Variants in GOLGA8A observed in about 807,000 individuals in gnomAD.
GOLGA8A encodes the protein golgin A8 family member A.
Under a neutral mutation model 22.1 loss-of-function variants are expected in GOLGA8A, and 3 were observed. That is an observed-to-expected ratio of 0.14 (90% CI 0.06 to 0.35). GOLGA8A has a LOEUF of 0.35. GOLGA8A is among the 10% of genes least tolerant of loss of function. The pLI is 1.00. For missense variants in GOLGA8A, 16 were observed against 233.2 expected (o/e 0.07, Z 6.07); for synonymous variants, 7 against 91.7 (o/e 0.08, Z 5.28).
intron 12 of GOLGA8A, among the ~76,000 whole-genome samples, chr15:34,386,085 T>TTA (rs1392343683): frequency 1.2e-4 from 18 of 147,088 alleles, no homozygotes; most frequent in Admixed American, 9.9e-4. Flanking sequence ...AGTGTGTTCA[T>TTA]TCAATAGACA....
At chr15:34,410,126 CT>C in intron 2 of GOLGA8A, 1 of 243,114 alleles carries the variant, frequency 4.1e-6, no homozygotes, top group East Asian at 8.1e-5. Context: ...CAGGACTACC[CT>C]GATGGCCAAC....
chr15:34,435,937 C>T (rs1399137638), intron 1 of GOLGA8A, among the ~76,000 whole-genome samples: 1 of 149,174 alleles, frequency 6.7e-6, no homozygotes, highest in Non-Finnish European at 1.5e-5. Flanking sequence ...GTCCTTGTCA[C>T]CCCAGCCCTC....
chr15:34,380,479 G>A lies in GOLGA8A; in HGVS notation c.*932C>T, dbSNP rs904902547. On this transcript the variant is annotated 3_prime_UTR_variant, in exon 25 of 25. Transcript: ENST00000359187. Reference sequence around the variant, plus strand: ...GACAGGTAGTCATGTGATTAAAACAGGGAACACGAACTCTGACTTTAAAAT... The same window carrying A: ...GACAGGTAGTCATGTGATTAAAACAAGGAACACGAACTCTGACTTTAAAAT... 1 of 152,224 alleles carries A rather than the reference G, an allele frequency of 6.6e-6. No individual in the cohort carries two copies. Among genetic ancestry groups the A allele is most frequent in the Non-Finnish European group, 1.5e-5 (1 of 68,046 alleles). The allele number at this position is 152,224 out of a possible 1,614,324, so 9.4% of individuals were successfully genotyped here. A position where few individuals can be genotyped will look rare whatever the true frequency, so the allele number is the denominator to read the frequency against.
intron 2 of GOLGA8A, among the ~76,000 whole-genome samples, chr15:34,424,590 A>G (rs1175846671): frequency 1.4e-5 from 2 of 138,138 alleles, no homozygotes; most frequent in Non-Finnish European, 3.2e-5. Flanking sequence ...CCCAGTGACA[A>G]CAGCAGCAGA....
intron 2 of GOLGA8A, chr15:34,428,820 C>T (rs896516234): frequency 6.9e-6 from 1 of 145,718 alleles, no homozygotes; most frequent in African/African-American, 2.6e-5. Context: ...TGCAGCCCAT[C>T]ACCCTGCAGC....
chr15:34,433,289 G>A (rs1435108264), intron 2 of GOLGA8A, among the ~76,000 whole-genome samples: 5 of 149,128 alleles, frequency 3.4e-5, no homozygotes, highest in Non-Finnish European at 7.4e-5. Flanking sequence ...CAGATGGAGC[G>A]GGAAGGGAAT....
In GOLGA8A at chr15:34,381,031, A is replaced by G. The variant is rs962642165; in HGVS notation, c.*380T>C. On this transcript the variant is annotated 3_prime_UTR_variant, in exon 25 of 25. Coordinates refer to ENST00000359187, the MANE Select transcript of GOLGA8A (RefSeq NM_181077.5). ...AAATTTTATCTGAATTCTGTAATGG[A>G]CATCCATGCTGCAATAACATTAGAA... The G allele has an allele frequency of 2.2e-5, 8 of 362,468 alleles. No individual in the cohort carries two copies. The highest frequency in any genetic ancestry group is 4.2e-5 in the Non-Finnish European group (8 of 190,208). 22.5% of individuals were successfully genotyped at this position (362,468 alleles called of 1,614,324 possible).
rs966422055 is a variant in GOLGA8A, at chr15:34,381,136, G to A, written c.*275C>T. On this transcript the variant is annotated 3_prime_UTR_variant, in exon 25 of 25. Transcript: ENST00000359187. ...CTTTGTGTGTTTGAACTCCCACCAC[G>A]TAAGGGCAAACTCGATATGCATGCT... The A allele has an allele frequency of 8.3e-5, 43 of 520,258 alleles. No homozygotes were observed. The highest frequency in any genetic ancestry group is 1.7e-4 in the African/African-American group (9 of 52,346). 32.2% of individuals were successfully genotyped at this position (520,258 alleles called of 1,614,324 possible). A position where few individuals can be genotyped will look rare whatever the true frequency, so the allele number is the denominator to read the frequency against.
In GOLGA8A at chr15:34,431,790, T is replaced by A. The variant is rs1246375794; in HGVS notation, c.-1123+3593A>T. Among the ~76,000 whole-genome samples, 8 of 148,498 alleles carry A rather than the reference T, an allele frequency of 5.4e-5. 1 individual carries two copies. The highest frequency in any genetic ancestry group is 1.4e-4 in the Admixed American group (2 of 14,702). On this transcript the variant is annotated intron_variant, in intron 2 of 24. Transcript: ENST00000359187. The stretch of plus-strand genomic sequence containing the variant: ...TTTAAAAAAATATATTTTTATTTTT[T>A]AAATATTTTATATATTTTTTTAAAA...
chr15:34,420,229 G>A (rs909104234), intron 2 of GOLGA8A: 4 of 145,974 alleles, frequency 2.7e-5, no homozygotes, highest in Non-Finnish European at 4.5e-5. Flanking sequence ...TTCCTCCATC[G>A]GGTAACCACG....
Position 34,420,113 on chromosome 15 carries a change from G to C in GOLGA8A, c.-1122-12378C>G, listed in dbSNP as rs1892737050. On this transcript the variant is annotated intron_variant, in intron 2 of 24. Coordinates refer to ENST00000359187, the MANE Select transcript of GOLGA8A (RefSeq NM_181077.5). ...TTTCAGATGGTAAATTTCATCTTTT[G>C]TGTATTTACCATAATTTTTAAAAAC... 2 of 149,040 alleles carry C rather than the reference G, an allele frequency of 1.3e-5. 1 individual carries two copies. The highest frequency in any genetic ancestry group is 5.0e-5 in the African/African-American group (2 of 40,228). 9.2% of individuals were successfully genotyped at this position (149,040 alleles called of 1,614,324 possible).
rs895967484 is a variant in GOLGA8A at position 34,380,714 on chromosome 15, G to C, written c.*697C>G. On this transcript the variant is annotated 3_prime_UTR_variant, in exon 25 of 25. Coordinates refer to ENST00000359187, the MANE Select transcript of GOLGA8A (RefSeq NM_181077.5). ...AGTACACTGCTCATTCTTGGCACCG[G>C]AACAGATGAAACACACTGTATCCTG... 1 of 161,454 alleles carries C rather than the reference G, an allele frequency of 6.2e-6. No homozygotes were observed. The allele number at this position is 161,454 out of a possible 1,614,324, so 10.0% of individuals were successfully genotyped here.
At chr15:34,433,687 TTCAC>T in intron 2 of GOLGA8A, among the ~76,000 whole-genome samples, 1 of 149,446 alleles carries the variant, frequency 6.7e-6, no homozygotes, top group East Asian at 2.0e-4. Flanking sequence ...CCGTGTTTCA[TTCAC>T]TCACTCATCC....
chr15:34,436,482 G>A (rs893945208), intron 1 of GOLGA8A, among the ~76,000 whole-genome samples: 11 of 149,622 alleles, frequency 7.4e-5, no homozygotes, highest in Non-Finnish European at 7.4e-5. Flanking sequence ...TATCTGAAGA[G>A]ATCTGAAAAA....
At chr15:34,397,140 T>TTTTG (rs1891883209) in intron 8 of GOLGA8A, among the ~76,000 whole-genome samples, 1 of 46,078 alleles carries the variant, frequency 2.2e-5, no homozygotes, top group Non-Finnish European at 4.2e-5. Flanking sequence ...TTCTTTTTTT[T>TTTTG]TTGGTGGTGG....
At chr15:34,434,829 C>A (rs1197653917) in intron 2 of GOLGA8A, among the ~76,000 whole-genome samples, 1 of 149,476 alleles carries the variant, frequency 6.7e-6, no homozygotes, top group Non-Finnish European at 1.5e-5. Flanking sequence ...GTGCTCACGG[C>A]CACCTGGCAA....
rs3893819 is a variant in GOLGA8A at position 34,430,476 on chromosome 15, C to A, written c.-1123+4907G>T. 2.7e-5 allele frequency among the ~76,000 whole-genome samples: 4 copies of A among 148,996 alleles called. No homozygotes were observed. In the East Asian group the frequency reaches 7.9e-4, roughly 29 times the overall value. On this transcript the variant is annotated intron_variant, in intron 2 of 24. Transcript: ENST00000359187. The stretch of plus-strand genomic sequence containing the variant: ...ATTCCCGAGACAATCAGCCATCAAT[C>A]TGACCCACTCAGTCCTGCCTCAGGG...
intron 2 of GOLGA8A, among the ~76,000 whole-genome samples, chr15:34,426,074 C>T (rs1566912015): frequency 6.8e-6 from 1 of 147,672 alleles, no homozygotes; most frequent in African/African-American, 2.5e-5. Context: ...ATGCCCAAAC[C>T]ATTCAGCCCC....
chr15:34,421,527 A>C (rs146052560), intron 2 of GOLGA8A, among the ~76,000 whole-genome samples: 5,771 of 136,080 alleles, frequency 0.042, 580 homozygotes, highest in African/African-American at 0.16. Flanking sequence ...CTAAAAGTTA[A>C]CGTACAGATT....
Sources: gnomAD v4.1 joint callset for allele counts (sites outside exome capture counted in the v4.1 genomes callset) on GRCh38, gnomAD v4.1.1 for gene constraint, MANE v1.5 for transcripts, NCBI Gene and HGNC (gene_info 2026-07-23, HGNC 2026-07-21) for gene names.